The following DMD variants were observed in gnomAD, a reference collection of about 807,000 sequenced individuals.
The protein encoded by DMD is mutant dystrophin.
Under a neutral mutation model 330.1 loss-of-function variants are expected in DMD, and 63 were observed. That is an observed-to-expected ratio of 0.19 (90% CI 0.16 to 0.24). The LOEUF (loss-of-function observed/expected upper bound fraction) is 0.24. DMD is among the 10% of genes least tolerant of loss of function. DMD has a pLI of 1.00. For synonymous variants in DMD, 1,223 were observed against 959.8 expected, an observed-to-expected ratio of 1.27 and a Z score of -5.07; for missense variants, 3,344 against 2,684.1, an observed-to-expected ratio of 1.25 and a Z score of -5.43.
chrX:31,328,178 C>A (rs1226373238), intron 61 of DMD, among the ~76,000 whole-genome samples: 2 of 111,913 alleles, frequency 1.8e-5, no homozygotes, highest in Admixed American at 9.5e-5. Context: ...TAAGTAAGGC[C>A]ACAGTGAACA....
intron 51 of DMD, among the ~76,000 whole-genome samples, chrX:31,764,244 C>G (rs1218885754): frequency 9.0e-6 from 1 of 111,507 alleles, no homozygotes; most frequent in African/African-American, 3.3e-5. Flanking sequence ...TGCTTGCATT[C>G]TTTCCAACTA....
chrX:32,460,170 T>A (rs1214267700), intron 25 of DMD, among the ~76,000 whole-genome samples: 6 of 110,272 alleles, frequency 5.4e-5, no homozygotes, highest in Non-Finnish European at 1.1e-4. Flanking sequence ...AAAACCACAA[T>A]GAGGTATCAC....
rs748383005 is a variant in DMD, at chrX:32,813,981, G to A, written c.530+2487C>T. Among the ~76,000 whole-genome samples the A allele has an allele frequency of 2.7e-5, 3 of 111,662 alleles. No individual in the cohort carries two copies. The South Asian group carries it at 1.1e-3, about 41-fold the overall frequency. ...TACCTATACTGTTAGAAATTAGTTT[G>A]TCAACAAGTAGAAACATTATCACAC... On this transcript the variant is annotated intron_variant, in intron 6 of 78. Transcript: ENST00000357033.
At chrX:31,459,910 G>A (rs2066426022) in intron 59 of DMD, among the ~76,000 whole-genome samples, 1 of 112,111 alleles carries the variant, frequency 8.9e-6, no homozygotes, top group African/African-American at 3.2e-5. Context: ...GAGTGGGTTT[G>A]ACCATAGCTA....
chrX:31,881,648 A>G (rs2094070562), intron 47 of DMD, among the ~76,000 whole-genome samples: 1 of 111,840 alleles, frequency 8.9e-6, no homozygotes, highest in South Asian at 3.7e-4. Context: ...TTCTGTGTCT[A>G]GATACACAAA....
At chrX:32,408,749 A>C (rs746636704) in intron 30 of DMD, among the ~76,000 whole-genome samples, 1 of 112,075 alleles carries the variant, frequency 8.9e-6, no homozygotes, top group African/African-American at 3.2e-5. Context: ...ATAGTGCACT[A>C]ATATTTTAAT....
intron 63 of DMD, among the ~76,000 whole-genome samples, chrX:31,231,167 TA>T (rs1361893165): frequency 9.0e-6 from 1 of 110,796 alleles, no homozygotes; most frequent in African/African-American, 3.3e-5. Context: ...ATACAATCCA[TA>T]ATAATTATGG....
At chrX:32,034,614 G>T (rs1453316915) in intron 44 of DMD, among the ~76,000 whole-genome samples, 2 of 111,388 alleles carry the variant, frequency 1.8e-5, no homozygotes, top group East Asian at 5.6e-4. Context: ...CTCTAAAACT[G>T]CAAAACATTG....
chrX:32,570,387 G>A (rs1032617270), intron 15 of DMD, among the ~76,000 whole-genome samples: 6 of 97,328 alleles, frequency 6.2e-5, no homozygotes, highest in African/African-American at 2.1e-4. Context: ...AAGACCTATA[G>A]AAAACATATT....
chrX:32,435,081 A>C (rs1482873834), intron 29 of DMD, among the ~76,000 whole-genome samples: 1 of 108,411 alleles, frequency 9.2e-6, no homozygotes, highest in East Asian at 2.9e-4. Flanking sequence ...TTCTGATTTT[A>C]AGACTTAGAG....
At chrX:31,246,993 A>C (rs1356793512) in intron 63 of DMD, among the ~76,000 whole-genome samples, 2 of 111,750 alleles carry the variant, frequency 1.8e-5, no homozygotes, top group African/African-American at 6.5e-5. Flanking sequence ...GGAAAAACAA[A>C]GCTTGGATGA....
intron 44 of DMD, among the ~76,000 whole-genome samples, chrX:32,208,835 G>C (rs1186372598): frequency 9.0e-6 from 1 of 111,139 alleles, no homozygotes; most frequent in Non-Finnish European, 1.9e-5. Context: ...ATGGGTAAGA[G>C]AACAGGGCCA....
At chrX:32,204,954 G>T in intron 44 of DMD, among the ~76,000 whole-genome samples, 1 of 90,622 alleles carries the variant, frequency 1.1e-5, no homozygotes, top group African/African-American at 4.1e-5. Flanking sequence ...TATAAGATTC[G>T]GAGGTGATAA....
intron 2 of DMD, among the ~76,000 whole-genome samples, chrX:32,901,382 A>G (rs2086225871): frequency 8.9e-6 from 1 of 112,083 alleles, no homozygotes; most frequent in African/African-American, 3.2e-5. Context: ...AAGTACCTGC[A>G]TTCAACTTCT....
At position 31,967,717 on chromosome X, in the gene DMD, T is replaced by C. The variant is rs950312378; in HGVS notation, c.6614+622A>G. Among the ~76,000 whole-genome samples the C allele has an allele frequency of 4.5e-5, 5 of 111,275 alleles. No homozygotes were observed. In the South Asian group the frequency reaches 1.9e-3, roughly 42 times the overall value. Reference sequence around the variant, plus strand: ...ATAATACAAAATCCCATTTATAAACTCTCTAGGCTTTCCAACTGCAGCAGC... The same window carrying C: ...ATAATACAAAATCCCATTTATAAACCCTCTAGGCTTTCCAACTGCAGCAGC... On this transcript the variant is annotated intron_variant, in intron 45 of 78. Transcript: ENST00000357033.
chrX:31,912,949 G>T lies in DMD; in HGVS notation c.6912+16647C>A, dbSNP rs183291425. On this transcript the variant is annotated intron_variant, in intron 47 of 78. Transcript: ENST00000357033. ...AAGATTGGTGCTTGTTCTTTTGGAA[G>T]GCTTCTTCACAGAACTCAACCACCA... is the stretch of plus-strand genomic sequence containing the variant. 1.3e-3 allele frequency among the ~76,000 whole-genome samples: 141 copies of T among 112,786 alleles called. No individual in the cohort carries two copies. In the Middle Eastern group the frequency reaches 0.014, roughly 11 times the overall value.
intron 55 of DMD, among the ~76,000 whole-genome samples, chrX:31,573,789 A>C (rs2075949347): frequency 9.0e-6 from 1 of 111,285 alleles, no homozygotes; most frequent in Non-Finnish European, 1.9e-5. Flanking sequence ...AAGGCCCTTT[A>C]ACCTATTTTG....
At chrX:32,387,660 T>C (rs1341547834) in intron 32 of DMD, among the ~76,000 whole-genome samples, 1 of 111,456 alleles carries the variant, frequency 9.0e-6, no homozygotes, top group Non-Finnish European at 1.9e-5. Flanking sequence ...TCACTAATAA[T>C]TATGACTTTT....
intron 67 of DMD, among the ~76,000 whole-genome samples, chrX:31,195,176 A>C (rs1161476070): frequency 8.9e-6 from 1 of 111,831 alleles, no homozygotes. Context: ...TCTAAATATT[A>C]ATCAGGACTC....
Sources: allele counts gnomAD v4.1 joint callset (sites outside exome capture counted in the v4.1 genomes callset), GRCh38; gene constraint gnomAD v4.1.1; transcripts MANE v1.5; gene names NCBI Gene and HGNC (gene_info 2026-07-23, HGNC 2026-07-21).